CAST: variants seen among roughly 807,000 people sequenced by gnomAD.
CAST encodes MIR583 host.
A neutral mutation model predicts 119.6 loss-of-function variants in CAST; 76 were observed. That is an observed-to-expected ratio of 0.64 (90% CI 0.53 to 0.77). CAST has a LOEUF of 0.77. Ranked by LOEUF, CAST falls within the 30% of genes least tolerant of loss-of-function variation. CAST has a pLI of 0.00. For synonymous variants in CAST, 319 were observed against 331.6 expected (o/e 0.96, Z 0.41); for missense variants, 953 against 946.5 (o/e 1.01, Z -0.09).
At chr5:96,345,901 TG>T in the CAST span, among the ~76,000 whole-genome samples, 1 of 152,214 alleles carries the variant, frequency 6.6e-6, no homozygotes, top group Non-Finnish European at 1.5e-5. Flanking sequence ...AGGGTGTTTT[TG>T]TAACCCATGT....
intron 1 of CAST, among the ~76,000 whole-genome samples, chr5:96,645,203 G>A (rs932790630): frequency 2.6e-5 from 4 of 151,904 alleles, no homozygotes; most frequent in Admixed American, 1.3e-4. Flanking sequence ...AATATCTCTC[G>A]ATATGAGCTT....
the CAST span, among the ~76,000 whole-genome samples, chr5:96,343,846 T>C: frequency 2.0e-5 from 3 of 152,234 alleles, no homozygotes; most frequent in Non-Finnish European, 4.4e-5. Context: ...CTGATCTACT[T>C]TATCCTGCTC....
chr5:96,488,130 A>G, the CAST span, among the ~76,000 whole-genome samples: 1 of 152,234 alleles, frequency 6.6e-6, no homozygotes, highest in Admixed American at 6.5e-5. Context: ...AGGTTGGGAA[A>G]AACAAGTCCT....
chr5:96,220,711 G>A, the CAST span, among the ~76,000 whole-genome samples: 1 of 152,178 alleles, frequency 6.6e-6, no homozygotes, highest in Non-Finnish European at 1.5e-5. Context: ...CATCTGAAGT[G>A]ATTCAACTTG....
At chr5:96,328,642 A>T in the CAST span, among the ~76,000 whole-genome samples, 2 of 152,168 alleles carry the variant, frequency 1.3e-5, no homozygotes, top group Non-Finnish European at 1.5e-5. Flanking sequence ...AGACCATCTG[A>T]CTTAAGACTT....
At chr5:96,725,512 A>G (rs1379921053) in intron 4 of CAST, among the ~76,000 whole-genome samples, 1 of 152,188 alleles carries the variant, frequency 6.6e-6, no homozygotes, top group African/African-American at 2.4e-5. Context: ...TGGGTATAAT[A>G]ATACTTGTCT....
At chr5:96,250,968 AAAGGTACAG>A in the CAST span, among the ~76,000 whole-genome samples, 2 of 152,086 alleles carry the variant, frequency 1.3e-5, no homozygotes, top group Non-Finnish European at 2.9e-5. Context: ...ACAGAGGTAC[AAAGGTACAG>A]AAGGTACAGA....
the CAST span, among the ~76,000 whole-genome samples, chr5:96,456,057 T>G: frequency 6.6e-6 from 1 of 152,046 alleles, no homozygotes; most frequent in African/African-American, 2.4e-5. Context: ...CAGAATAAAC[T>G]TCCCCTCATT....
chr5:96,135,921 C>T, the CAST span, among the ~76,000 whole-genome samples: 4 of 151,996 alleles, frequency 2.6e-5, no homozygotes, highest in Admixed American at 6.6e-5. Context: ...ATTACCTGAG[C>T]GTAGTGGCAC....
At chr5:96,505,221 G>A in the CAST span, among the ~76,000 whole-genome samples, 1 of 152,214 alleles carries the variant, frequency 6.6e-6, no homozygotes, top group Non-Finnish European at 1.5e-5. Flanking sequence ...TCATTTTCAA[G>A]GTTGTATTGG....
the CAST span, among the ~76,000 whole-genome samples, chr5:96,129,393 G>A: frequency 6.6e-6 from 1 of 152,060 alleles, no homozygotes; most frequent in Non-Finnish European, 1.5e-5. Flanking sequence ...GGGTGAGAGA[G>A]GCAAGCTTCA....
At chr5:96,054,183 A>G in the CAST span, among the ~76,000 whole-genome samples, 1 of 152,114 alleles carries the variant, frequency 6.6e-6, no homozygotes, top group African/African-American at 2.4e-5. Flanking sequence ...AGTTTAATAT[A>G]GCTCTGATTA....
chr5:96,682,401 A>G (rs1363999572), intron 2 of CAST, among the ~76,000 whole-genome samples: 1 of 151,866 alleles, frequency 6.6e-6, no homozygotes, highest in East Asian at 1.9e-4. Context: ...ATCCTCTCTT[A>G]CCTCTTTGTC....
At chr5:96,118,729 G>A in the CAST span, among the ~76,000 whole-genome samples, 1 of 151,802 alleles carries the variant, frequency 6.6e-6, no homozygotes, top group Admixed American at 6.6e-5. Context: ...TAGGAAGGTG[G>A]GCTGAGGAAG....
chr5:96,750,564 A>C (rs577657682), intron 19 of CAST, 23 bp from the exon 20 acceptor site: 1 of 1,503,464 alleles, frequency 6.7e-7, no homozygotes, highest in African/African-American at 1.4e-5. Flanking sequence ...AAACTTATTG[A>C]GAGTACTTGT....
intron 1 of CAST, among the ~76,000 whole-genome samples, chr5:96,567,726 C>T (rs374975240): frequency 6.6e-5 from 10 of 152,080 alleles, no homozygotes; most frequent in African/African-American, 1.9e-4. Flanking sequence ...CAGCCAGTCA[C>T]GTATTAATTC....
the CAST span, among the ~76,000 whole-genome samples, chr5:96,168,177 T>A: frequency 6.6e-6 from 1 of 152,056 alleles, no homozygotes; most frequent in Non-Finnish European, 1.5e-5. Context: ...AGTGGCCAGA[T>A]GAGAAGGAGA....
the CAST span, among the ~76,000 whole-genome samples, chr5:96,396,992 G>T: frequency 1.3e-5 from 2 of 152,216 alleles, no homozygotes; most frequent in Non-Finnish European, 2.9e-5. Context: ...GTTGGTCTGA[G>T]CATTTAAGTA....
the CAST span, among the ~76,000 whole-genome samples, chr5:96,488,402 T>G: frequency 6.6e-6 from 1 of 152,214 alleles, no homozygotes; most frequent in Non-Finnish European, 1.5e-5. Flanking sequence ...AAATATACAT[T>G]GATGAACCTC....
Sources: allele counts gnomAD v4.1 joint callset (sites outside exome capture counted in the v4.1 genomes callset), GRCh38; gene constraint gnomAD v4.1.1; transcripts MANE v1.5; gene names NCBI Gene and HGNC (gene_info 2026-07-23, HGNC 2026-07-21).